The following HELB variants were observed in gnomAD, a reference collection of about 807,000 sequenced individuals.
HELB encodes DNA helicase B, also known as DNA 5'-3' helicase B.
In HELB, 96 loss-of-function variants were observed where a neutral mutation model predicts 101.7. The observed-to-expected ratio is 0.94, with a 90% CI of 0.80 to 1.12. The LOEUF (loss-of-function observed/expected upper bound fraction) is 1.12, where lower values mean the gene tolerates loss of function less well. HELB is among the 50% of genes most tolerant of loss of function. The pLI, the probability that HELB is intolerant of heterozygous loss-of-function variation, is 0.00. For missense variants in HELB, 1,210 were observed against 1,291.9 expected (o/e 0.94, Z 0.97); for synonymous variants, 437 against 459.7 (o/e 0.95, Z 0.63).
chr12:66,310,741 G>C (rs984410036), intron 4 of HELB, 133 bp downstream of exon 4: 24 of 779,914 alleles, frequency 3.1e-5, no homozygotes, highest in Admixed American at 7.8e-5. Flanking sequence ...GACCATCCTG[G>C]CTAACATGGT....
chr12:66,304,731 T>C lies in HELB; in HGVS notation c.188T>C (p.Val63Ala). ...TGGGTTTTTGTTTGTTTTTTTTTAG[T>C]TTCTATTTGTGATGAAAACACACAA... ...KAGSLPGCLR[V>A]SICDENTQET... The change falls in exon 2 of 13, where the codon GTT (valine) becomes GCT (alanine). Residue 63 changes from valine (V) to alanine (A), a missense_variant and splice_region_variant. By Grantham distance (64) the Val-to-Ala change is moderately conservative (BLOSUM62 0). Transcript: ENST00000247815. 6.4e-7 allele frequency: 1 copy of C among 1,571,596 alleles called. No homozygotes were observed. The highest frequency in any genetic ancestry group is 1.2e-5 in the South Asian group (1 of 84,668).
chr12:66,322,035 G>A lies in HELB; in HGVS notation c.2237+6G>A, dbSNP rs756704920. On this transcript the variant is annotated splice_donor_region_variant and intron_variant, in intron 8 of 12. Coordinates refer to ENST00000247815, the MANE Select transcript of HELB (RefSeq NM_001370285.1). ...CAATTTATTGCATTTAGAAGGTAAAGCATTTATAATATTTTAATGTTTTTA... is the reference window on the plus strand; with the variant it reads ...CAATTTATTGCATTTAGAAGGTAAAACATTTATAATATTTTAATGTTTTTA... 2.9e-6 allele frequency: 3 copies of A among 1,020,386 alleles called. No individual in the cohort carries two copies. Among genetic ancestry groups the A allele is most frequent in the African/African-American group, 3.2e-5 (2 of 62,128 alleles). 63.2% of individuals were successfully genotyped at this position (1,020,386 alleles called of 1,614,324 possible).
At position 66,324,003 on chromosome 12, in the gene HELB, T is replaced by A. The variant is rs774836553; in HGVS notation, c.2318T>A (p.Val773Asp). 6.2e-7 allele frequency: 1 copy of A among 1,609,294 alleles called. No homozygotes were observed. The highest frequency in any genetic ancestry group is 1.1e-5 in the South Asian group (1 of 90,984). Reference protein sequence around the residue: ...HLTKDHQSRLVFGIGDKICCT... With the variant: ...HLTKDHQSRLDFGIGDKICCT... ...CCCAGAGACCATCAGAGTAGACTTG[T>A]TTTTGGAATTGGTGATAAAATTTGT... Residue 773 changes from valine (V) to aspartate (D), a missense_variant, in exon 10 of 13, where the codon GTT becomes GAT. Transcript: ENST00000247815.
In HELB at chr12:66,322,222, T is replaced by A. The variant is rs147023923; in HGVS notation, c.2237+193T>A. Among the ~76,000 whole-genome samples the A allele has an allele frequency of 4.2e-3, 632 of 152,234 alleles. 6 individuals are homozygous for A. Among genetic ancestry groups the A allele is most frequent in the African/African-American group, 0.014 (601 of 41,538 alleles). Reference sequence around the variant, plus strand: ...AGAGCTCTTTCCACCAAGTATTATATTTAGAAGCTCATAGGGACTCTGAAT... The same window carrying A: ...AGAGCTCTTTCCACCAAGTATTATAATTAGAAGCTCATAGGGACTCTGAAT... On this transcript the variant is annotated intron_variant, in intron 8 of 12. Transcript: ENST00000247815.
intron 11 of HELB, among the ~76,000 whole-genome samples, chr12:66,328,398 C>T (rs879345609): frequency 6.6e-5 from 10 of 151,982 alleles, no homozygotes; most frequent in Non-Finnish European, 1.2e-4. Flanking sequence ...CCCATCTCTA[C>T]AAAAAATACA....
chr12:66,322,774 A>G lies in HELB; in HGVS notation c.2288A>G (p.His763Arg), dbSNP rs1388626360. ...TGCTGCTGCAAACACTACACAGGCC[A>G]CCTCACCAAGTGAGTGTCTTCGAGA... Reference protein sequence around the residue: ...NDCCCKHYTGHLTKDHQSRLV... With the variant: ...NDCCCKHYTGRLTKDHQSRLV... The change falls in exon 9 of 13, where the codon CAC becomes CGC. Residue 763 changes from histidine to arginine, a missense_variant. Coordinates refer to ENST00000247815, the MANE Select transcript of HELB (RefSeq NM_001370285.1). 1 of 1,606,444 alleles carries G rather than the reference A, an allele frequency of 6.2e-7. No individual in the cohort carries two copies. Among genetic ancestry groups the G allele is most frequent in the Non-Finnish European group, 8.5e-7 (1 of 1,175,556 alleles).
Position 66,315,244 on chromosome 12 carries a change from G to A in HELB, c.1861G>A (p.Asp621Asn), listed in dbSNP as rs76473015. 46 of 1,560,212 alleles carry A rather than the reference G, an allele frequency of 2.9e-5. No individual in the cohort carries two copies. Among genetic ancestry groups the A allele is most frequent in the Non-Finnish European group, 2.0e-5 (23 of 1,155,078 alleles). ...TACTGTATCTTTTTTTCTTTTAGGTGACATTAGACAGTTACCCAGTATTGA... is the reference window on the plus strand; with the variant it reads ...TACTGTATCTTTTTTTCTTTTAGGTAACATTAGACAGTTACCCAGTATTGA... ...SKLSKLIILG[D>N]IRQLPSIEPG... The change falls in exon 6 of 13, where the codon GAC becomes AAC. Residue 621 changes from aspartate to asparagine, a missense_variant and splice_region_variant. Transcript: ENST00000247815.
intron 7 of HELB, among the ~76,000 whole-genome samples, chr12:66,321,023 G>A (rs942037333): frequency 2.6e-5 from 4 of 152,170 alleles, no homozygotes; most frequent in African/African-American, 9.7e-5. Context: ...TTGGTTGAGG[G>A]TGAGCTGAGT....
In HELB at chr12:66,331,529, A is replaced by G. The variant is rs2053808194; in HGVS notation, c.3046A>G (p.Arg1016Gly). The change falls in exon 12 of 13, where the codon AGA (arginine) becomes GGA (glycine). Residue 1016 changes from arginine to glycine, a missense_variant. Arg to Gly is a moderately radical substitution (Grantham distance 125). Coordinates refer to ENST00000247815, the MANE Select transcript of HELB (RefSeq NM_001370285.1). ...PDERTLTFAERWQLSSPDGVD... is the reference protein window; with the variant it reads ...PDERTLTFAEGWQLSSPDGVD... ...TGAGAGGACACTCACCTTTGCTGAA[A>G]GATGGCAATTATCTTCACCTGATGG... is the stretch of plus-strand genomic sequence containing the variant. The G allele has an allele frequency of 6.2e-7, 1 of 1,614,084 alleles. No homozygotes were observed. The highest frequency in any genetic ancestry group is 8.5e-7 in the Non-Finnish European group (1 of 1,180,054).
intron 11 of HELB, among the ~76,000 whole-genome samples, chr12:66,330,473 C>CT (rs955904898): frequency 6.6e-6 from 1 of 150,620 alleles, no homozygotes; most frequent in Non-Finnish European, 1.5e-5. Flanking sequence ...TAGCTATGTT[C>CT]TTTTTTTATA....
At position 66,323,246 on chromosome 12, in the gene HELB, A is replaced by T. The variant is rs146375565; in HGVS notation, c.2297+463A>T. 3.3e-5 allele frequency among the ~76,000 whole-genome samples: 5 copies of T among 152,172 alleles called. No individual in the cohort carries two copies. In the East Asian group the frequency reaches 9.7e-4, roughly 29 times the overall value. Reference sequence around the variant, plus strand: ...TTGAATTGACCAATACCTGCTTTGCACTAAGTATAGACATCCTAGATATGT... The same window carrying T: ...TTGAATTGACCAATACCTGCTTTGCTCTAAGTATAGACATCCTAGATATGT... On this transcript the variant is annotated intron_variant, in intron 9 of 12. Transcript: ENST00000247815.
At chr12:66,337,083 C>G (rs988172010) in intron 12 of HELB, among the ~76,000 whole-genome samples, 6 of 152,074 alleles carry the variant, frequency 3.9e-5, no homozygotes, top group African/African-American at 1.4e-4. Context: ...GGGGTTGGGC[C>G]TGAGGATAAC....
At chr12:66,311,023 T>C (rs1056301769) in intron 4 of HELB, among the ~76,000 whole-genome samples, 3 of 152,204 alleles carry the variant, frequency 2.0e-5, no homozygotes, top group African/African-American at 7.2e-5. Flanking sequence ...TGGGTCCCTG[T>C]CTTGCAGTAA....
chr12:66,341,144 C>T (rs2053915453), downstream of HELB: 1 of 152,344 alleles, frequency 6.6e-6, no homozygotes, highest in South Asian at 2.1e-4. Context: ...GTGCAGCCCT[C>T]AGTCTGAGGC....
At chr12:66,322,684 G>A in intron 8 of HELB, 40 bp from the exon 9 acceptor site, 1 of 1,398,650 alleles carries the variant, frequency 7.1e-7, no homozygotes, top group South Asian at 1.2e-5. Flanking sequence ...ACCTGTAGCA[G>A]AGACCATTAA....
In HELB at chr12:66,324,129, C is replaced by T. The variant is rs746415381; in HGVS notation, c.2444C>T (p.Thr815Met). 7.5e-5 allele frequency: 121 copies of T among 1,613,626 alleles called. No homozygotes were observed. The highest frequency in any genetic ancestry group is 3.3e-4 in the Middle Eastern group (2 of 6,080). ...GCCAGTAGTGAAGACTTTTCTGGTACGCTTCCTGATTTTGCTAAAAATAAG... is the reference window on the plus strand; with the variant it reads ...GCCAGTAGTGAAGACTTTTCTGGTATGCTTCCTGATTTTGCTAAAAATAAG... Reference protein sequence around the residue: ...LDASSEDFSGTLPDFAKNKRD... With the variant: ...LDASSEDFSGMLPDFAKNKRD... The change falls in exon 10 of 13, where the codon ACG becomes ATG. Residue 815 changes from threonine to methionine, a missense_variant. By Grantham distance (81) the Thr-to-Met change is moderately conservative (BLOSUM62 -1). Around this residue, in one of 2 missense-constraint regions of HELB, gnomAD observed 740 missense variants for 728.8 expected, o/e 1.02. Coordinates refer to ENST00000247815, the MANE Select transcript of HELB (RefSeq NM_001370285.1).
chr12:66,335,669 A>G (rs1282486873), intron 12 of HELB, among the ~76,000 whole-genome samples: 1 of 152,112 alleles, frequency 6.6e-6, no homozygotes, highest in Non-Finnish European at 1.5e-5. Flanking sequence ...ATTCAGGGAG[A>G]GAGGATAATT....
At position 66,304,843 on chromosome 12, in the gene HELB, G is replaced by T; in HGVS notation, c.300G>T (p.Arg100Ser). ...KVQVKPVVGS[R>S]SYQYQVQGFP... Reference sequence around the variant, plus strand: ...AAGTAAAGCCTGTGGTGGGATCAAGGAGCTATCAATATCAAGTTCAAGGAT... The same window carrying T: ...AAGTAAAGCCTGTGGTGGGATCAAGTAGCTATCAATATCAAGTTCAAGGAT... The change falls in exon 2 of 13, where the codon AGG becomes AGT. Residue 100 changes from arginine (R) to serine (S), a missense_variant. Transcript: ENST00000247815. The T allele has an allele frequency of 6.2e-7, 1 of 1,614,118 alleles. No homozygotes were observed. Among genetic ancestry groups the T allele is most frequent in the Non-Finnish European group, 8.5e-7 (1 of 1,180,030 alleles).
rs1485500712 is a variant in HELB at position 66,309,932 on chromosome 12, T to G, written c.1004T>G (p.Leu335Arg). 2.5e-6 allele frequency: 4 copies of G among 1,614,124 alleles called. No individual in the cohort carries two copies. In the Admixed American group the frequency reaches 5.0e-5, roughly 20 times the overall value. ...HMSFHAASES[L>R]KFLKDIGVVT... is the part of the protein sequence containing the mutation. ...TCATTTCATGCTGCTTCAGAGTCTC[T>G]GAAGTTTTTGAAGGATATTGGTGTG... Residue 335 changes from leucine (L) to arginine (R), a missense_variant, in exon 4 of 13, where the codon CTG becomes CGG. Around this residue, in one of 2 missense-constraint regions of HELB, gnomAD observed 470 missense variants for 563.1 expected, o/e 0.83. Coordinates refer to ENST00000247815, the MANE Select transcript of HELB (RefSeq NM_001370285.1).
Sources: allele counts gnomAD v4.1 joint callset (sites outside exome capture counted in the v4.1 genomes callset), GRCh38; gene constraint gnomAD v4.1.1; regional missense constraint gnomAD v4.1.1; transcripts MANE v1.5; gene names NCBI Gene and HGNC (gene_info 2026-07-23, HGNC 2026-07-21).